Variants in TBCD observed in about 807,000 individuals in gnomAD.
The protein encoded by TBCD is tubulin-specific chaperone D.
TBCD carries 105 observed loss-of-function variants against 169.3 expected under a neutral mutation model. The observed-to-expected ratio is 0.62, with a 90% CI of 0.53 to 0.73. The LOEUF is 0.73. Among genes scored for constraint, TBCD ranks in the 30% least tolerant of loss-of-function variants. The pLI, the probability that TBCD is intolerant of heterozygous loss-of-function variation, is 0.00. For missense variants in TBCD, 1,444 were observed against 1,600.1 expected, an observed-to-expected ratio of 0.90 and a Z score of 1.66; for synonymous variants, 700 against 643.9, an observed-to-expected ratio of 1.09 and a Z score of -1.32.
At chr17:82,786,738 T>C (rs1205602022) in intron 7 of TBCD, among the ~76,000 whole-genome samples, 1 of 152,012 alleles carries the variant, frequency 6.6e-6, no homozygotes, top group East Asian at 1.9e-4. Flanking sequence ...GGTGCAGGGC[T>C]CCGAGTCCTT....
intron 14 of TBCD, among the ~76,000 whole-genome samples, chr17:82,872,430 T>C (rs546460908): frequency 2.0e-5 from 3 of 152,230 alleles, no homozygotes; most frequent in Non-Finnish European, 4.4e-5. Flanking sequence ...AGCAGTGCCT[T>C]GCAGAGTGGA....
intron 9 of TBCD, among the ~76,000 whole-genome samples, chr17:82,804,567 T>C (rs1220243998): frequency 2.6e-5 from 4 of 152,186 alleles, no homozygotes; most frequent in Non-Finnish European, 5.9e-5. Flanking sequence ...ATGCTCCTCA[T>C]GGGTTGCTGT....
At position 82,941,424 on chromosome 17, in the gene TBCD, G is replaced by C. The variant is rs555409758; in HGVS notation, c.3505G>C (p.Glu1169Gln). The C allele has an allele frequency of 1.2e-6, 2 of 1,600,590 alleles. No homozygotes were observed. The highest frequency in any genetic ancestry group is 1.3e-5 in the African/African-American group (1 of 74,946). ...AWDAELAVVR[E>Q]QRNRLCDLLG... ...GGACGCGGAGCTTGCAGTGGTGAGAGAGCAGCGCAACCGTCTGTGTGACCT... is the reference window on the plus strand; with the variant it reads ...GGACGCGGAGCTTGCAGTGGTGAGACAGCAGCGCAACCGTCTGTGTGACCT... Residue 1169 changes from glutamate (E) to glutamine (Q), a missense_variant, in exon 38 of 39, where the codon GAG becomes CAG. Coordinates refer to ENST00000355528, the MANE Select transcript of TBCD (RefSeq NM_005993.5).
Position 82,805,956 on chromosome 17 carries a change from G to C in TBCD, c.1032G>C (p.Leu344=). The change falls in exon 10 of 39, where the codon CTG becomes CTC. Residue 344 remains leucine (L), a synonymous_variant. Transcript: ENST00000355528. The part of the protein sequence containing the change: ...QGQSEQKPLI[L]TEDDDEDDDV... The stretch of plus-strand genomic sequence containing the variant: ...AGAGTGAGCAGAAGCCACTCATCCT[G>C]ACCGAAGATGACGACGAAGATGACG... 1 of 1,613,830 alleles carries C rather than the reference G, an allele frequency of 6.2e-7. No homozygotes were observed.
At position 82,920,052 on chromosome 17, in the gene TBCD, C is replaced by T. The variant is rs989556123; in HGVS notation, c.2039-504C>T. 2.0e-5 allele frequency among the ~76,000 whole-genome samples: 3 copies of T among 152,190 alleles called. No homozygotes were observed. Among genetic ancestry groups the T allele is most frequent in the African/African-American group, 4.8e-5 (2 of 41,450 alleles). On this transcript the variant is annotated intron_variant, in intron 23 of 38. Coordinates refer to ENST00000355528, the MANE Select transcript of TBCD (RefSeq NM_005993.5). The surrounding 1 kb of genome is among the most constrained non-coding windows in gnomAD (Gnocchi z 4.1). ...GCTGTCCAGTCGTCTCTGTCTCGTG[C>T]GTCCTGGCCCCCTCGTGGCTGGTCA...
chr17:82,761,208 C>T (rs1415298112), intron 2 of TBCD, among the ~76,000 whole-genome samples: 3 of 152,308 alleles, frequency 2.0e-5, no homozygotes, highest in Non-Finnish European at 4.4e-5. Context: ...AGGTGATCCA[C>T]CTGCCTCGGC....
intron 22 of TBCD, among the ~76,000 whole-genome samples, chr17:82,909,880 G>A (rs2060506597): frequency 6.6e-6 from 1 of 152,222 alleles, no homozygotes; most frequent in African/African-American, 2.4e-5. Context: ...TGCCTTTGCA[G>A]CCCAGGCAGC....
At chr17:82,927,066 AGGG>A (rs755543889) in intron 28 of TBCD, 117 bp from the exon 29 acceptor site, 51 of 1,394,080 alleles carry the variant, frequency 3.7e-5, no homozygotes, top group Non-Finnish European at 4.5e-5. Context: ...GATCTACCCG[AGGG>A]TCCTGGACTG....
intron 20 of TBCD, among the ~76,000 whole-genome samples, chr17:82,906,282 C>T (rs1028183635): frequency 1.3e-5 from 2 of 152,210 alleles, no homozygotes; most frequent in Non-Finnish European, 1.5e-5. Context: ...GGGGCGGGTG[C>T]AGCACCCGGA....
chr17:82,911,806 T>C lies in TBCD; in HGVS notation c.2038+17T>C, dbSNP rs1568021983. The C allele has an allele frequency of 2.5e-6, 4 of 1,613,632 alleles. No individual in the cohort carries two copies. Among genetic ancestry groups the C allele is most frequent in the African/African-American group, 1.3e-5 (1 of 75,020 alleles). On this transcript the variant is annotated intron_variant, in intron 23 of 38. Transcript: ENST00000355528. ...GACAAGCAGGTAAGTCTGAAGGCCT[T>C]TGCAGCCCTCTGCAGCCCTTTGCCG...
At chr17:82,902,155 C>T (rs1373021200) in intron 18 of TBCD, among the ~76,000 whole-genome samples, 1 of 152,110 alleles carries the variant, frequency 6.6e-6, no homozygotes, top group Non-Finnish European at 1.5e-5. Flanking sequence ...ATGTATTGAC[C>T]CTTTATCTTT....
chr17:82,867,888 C>A (rs2057290560), intron 13 of TBCD, among the ~76,000 whole-genome samples: 2 of 152,332 alleles, frequency 1.3e-5, no homozygotes, highest in African/African-American at 4.8e-5. Context: ...GGTGATGGTG[C>A]TGCCGGCTCT....
At position 82,881,823 on chromosome 17, in the gene TBCD, A is replaced by G. The variant is rs550258523; in HGVS notation, c.1476-2322A>G. On this transcript the variant is annotated intron_variant, in intron 14 of 38. Transcript: ENST00000355528. Reference sequence around the variant, plus strand: ...TGCTATATTGTTAGTTTAACTTCCTACCCTTTCCATCTATGAATTTCTGTT... The same window carrying G: ...TGCTATATTGTTAGTTTAACTTCCTGCCCTTTCCATCTATGAATTTCTGTT... 5.4e-4 allele frequency among the ~76,000 whole-genome samples: 82 copies of G among 151,812 alleles called. 1 individual carries two copies. Among genetic ancestry groups the G allele is most frequent in the Middle Eastern group, 6.8e-3 (2 of 294 alleles).
intron 13 of TBCD, among the ~76,000 whole-genome samples, chr17:82,845,748 C>T (rs1302282157): frequency 6.6e-6 from 1 of 152,232 alleles, no homozygotes; most frequent in African/African-American, 2.4e-5. Context: ...CTTGGGGCAG[C>T]AATTGCTGAC....
rs897891362 is a variant in TBCD at position 82,782,223 on chromosome 17, G to A, written c.771+502G>A. On this transcript the variant is annotated intron_variant, in intron 7 of 38. Coordinates refer to ENST00000355528, the MANE Select transcript of TBCD (RefSeq NM_005993.5). The surrounding 1 kb of genome is among the most constrained non-coding windows in gnomAD (Gnocchi z 5.1). Reference sequence around the variant, plus strand: ...TTGCCAGCCCTTTCCCTGCCCTTTCGCTCTGATTGTCTCTTGTGTTACCTT... The same window carrying A: ...TTGCCAGCCCTTTCCCTGCCCTTTCACTCTGATTGTCTCTTGTGTTACCTT... 1.3e-5 allele frequency among the ~76,000 whole-genome samples: 2 copies of A among 151,254 alleles called. No individual in the cohort carries two copies. The highest frequency in any genetic ancestry group is 1.3e-4 in the Admixed American group (2 of 14,946).
In TBCD at chr17:82,782,074, T is replaced by A. The variant is rs1568124140; in HGVS notation, c.771+353T>A. On this transcript the variant is annotated intron_variant, in intron 7 of 38. Transcript: ENST00000355528. This position sits in a 1 kb window ranked among gnomAD's most constrained non-coding sequence, Gnocchi z 5.1. ...ACGAGCTCTAATAAAACAAGGTGGG[T>A]GAGTTGAAATTTGATTCTGTTCCTT... is the stretch of plus-strand genomic sequence containing the variant. 1.3e-5 allele frequency among the ~76,000 whole-genome samples: 2 copies of A among 152,136 alleles called. No homozygotes were observed. Among genetic ancestry groups the A allele is most frequent in the African/African-American group, 4.8e-5 (2 of 41,422 alleles).
chr17:82,754,200 G>A (rs751900013), intron 1 of TBCD, among the ~76,000 whole-genome samples: 8 of 152,108 alleles, frequency 5.3e-5, no homozygotes, highest in Non-Finnish European at 7.3e-5. Context: ...GAGAATTTGA[G>A]GGCCAGGGTT....
intron 1 of TBCD, among the ~76,000 whole-genome samples, chr17:82,755,919 A>G (rs563342279): frequency 4.6e-4 from 70 of 152,278 alleles, no homozygotes; most frequent in Non-Finnish European, 8.7e-4. Flanking sequence ...AAAGAGGAAC[A>G]GTGTGCCAAG....
rs76228709 is a variant in TBCD, at chr17:82,859,614, T to G, written c.1319-10610T>G. 6,554 of 985,440 alleles carry G rather than the reference T, an allele frequency of 6.7e-3. 25 individuals are homozygous for G. The highest frequency in any genetic ancestry group is 0.014 in the South Asian group (300 of 21,262). The allele number at this position is 985,440 out of a possible 1,614,324, so 61.0% of individuals were successfully genotyped here. ...CACTGCAGACTCCAAGTGTGAGCCC[T>G]GTAGTGAGGACAAAGAGTGGAGGTT... On this transcript the variant is annotated intron_variant, in intron 13 of 38. Transcript: ENST00000355528.
Sources: allele counts gnomAD v4.1 joint callset (sites outside exome capture counted in the v4.1 genomes callset), GRCh38; gene constraint gnomAD v4.1.1; non-coding constraint Gnocchi (gnomAD v3.1); transcripts MANE v1.5; gene names NCBI Gene and HGNC (gene_info 2026-07-23, HGNC 2026-07-21).